Variants in PLA2R1 observed in about 807,000 individuals in gnomAD.
The protein encoded by PLA2R1 is phospholipase A2 receptor 1, also known as secretory phospholipase A2 receptor.
PLA2R1 carries 158 observed loss-of-function variants against 195.9 expected under a neutral mutation model. The observed-to-expected ratio is 0.81, with a 90% confidence interval of 0.71 to 0.92. The LOEUF is 0.92. Ranked by LOEUF, PLA2R1 falls within the 40% of genes least tolerant of loss-of-function variation. The pLI, the probability that PLA2R1 is intolerant of heterozygous loss-of-function variation, is 0.00. For missense variants in PLA2R1, 1,626 were observed against 1,764.6 expected (o/e 0.92, Z 1.41); for synonymous variants, 586 against 598.2 (o/e 0.98, Z 0.30).
At chr2:160,027,476 A>G (rs2105500977) in intron 6 of PLA2R1, among the ~76,000 whole-genome samples, 1 of 152,362 alleles carries the variant, frequency 6.6e-6, no homozygotes, top group East Asian at 1.9e-4. Context: ...CCCATATTCT[A>G]CAAAACTTCT....
At chr2:160,058,259 C>T (rs796913367) in intron 1 of PLA2R1, among the ~76,000 whole-genome samples, 31 of 152,238 alleles carry the variant, frequency 2.0e-4, no homozygotes, top group African/African-American at 6.3e-4. Flanking sequence ...TTTCCGTCGG[C>T]GCAGCATGTC....
rs576992015 is a variant in PLA2R1 at position 159,937,755 on chromosome 2, T to C, written c.*4023A>G. 6.6e-6 allele frequency: 1 copy of C among 152,368 alleles called. No homozygotes were observed. The highest frequency in any genetic ancestry group is 1.5e-5 in the Non-Finnish European group (1 of 68,018). The allele number at this position is 152,368 out of a possible 1,614,324, so 9.4% of individuals were successfully genotyped here. On this transcript the variant is annotated 3_prime_UTR_variant, in exon 30 of 30. Transcript: ENST00000283243. ...CTGTATAATACATATTAATTCAGAATATGAACATGGGGCAAAATAACTCAT... is the reference window on the plus strand; with the variant it reads ...CTGTATAATACATATTAATTCAGAACATGAACATGGGGCAAAATAACTCAT...
At chr2:160,009,032 C>T (rs1386027713) in intron 10 of PLA2R1, among the ~76,000 whole-genome samples, 4 of 152,140 alleles carry the variant, frequency 2.6e-5, no homozygotes, top group African/African-American at 9.7e-5. Flanking sequence ...TGGCTATTAT[C>T]AAAACAAAAC....
chr2:159,949,111 T>C (rs1475200339), intron 25 of PLA2R1, among the ~76,000 whole-genome samples: 3 of 152,194 alleles, frequency 2.0e-5, no homozygotes, highest in African/African-American at 7.2e-5. Context: ...AATCTTTTAT[T>C]TAAACATGAA....
chr2:159,939,751 T>A lies in PLA2R1; in HGVS notation c.*2027A>T, dbSNP rs1687008001. On this transcript the variant is annotated 3_prime_UTR_variant, in exon 30 of 30. Coordinates refer to ENST00000283243, the MANE Select transcript of PLA2R1 (RefSeq NM_007366.5). ...GTGTATTTTGTCAAATTATTATGTGTGACTATATACCTTGACTGGAAGGCT... is the reference window on the plus strand; with the variant it reads ...GTGTATTTTGTCAAATTATTATGTGAGACTATATACCTTGACTGGAAGGCT... 6.6e-6 allele frequency: 1 copy of A among 152,172 alleles called. No individual in the cohort carries two copies. Among genetic ancestry groups the A allele is most frequent in the African/African-American group, 2.4e-5 (1 of 41,442 alleles). 9.4% of individuals were successfully genotyped at this position (152,172 alleles called of 1,614,324 possible).
At chr2:160,055,994 C>T (rs1182351272) in intron 1 of PLA2R1, among the ~76,000 whole-genome samples, 1 of 152,100 alleles carries the variant, frequency 6.6e-6, no homozygotes, top group Non-Finnish European at 1.5e-5. Context: ...GCCCTCTGCC[C>T]TGAACCATTC....
At chr2:160,037,094 A>C (rs866479712) in intron 3 of PLA2R1, among the ~76,000 whole-genome samples, 66 of 152,206 alleles carry the variant, frequency 4.3e-4, no homozygotes, top group African/African-American at 1.5e-3. Context: ...TCTTCAATAA[A>C]TCCACATTTT....
intron 1 of PLA2R1, among the ~76,000 whole-genome samples, chr2:160,058,926 T>C (rs892605698): frequency 2.0e-5 from 3 of 152,304 alleles, no homozygotes; most frequent in South Asian, 2.1e-4. Flanking sequence ...CATTGTAATA[T>C]ATAATGAAGT....
intron 7 of PLA2R1, among the ~76,000 whole-genome samples, chr2:160,020,724 C>T (rs1455825332): frequency 6.6e-6 from 1 of 152,188 alleles, no homozygotes; most frequent in Non-Finnish European, 1.5e-5. Flanking sequence ...AGGAGATCCT[C>T]TCCAGATGTG....
At chr2:159,977,442 C>G (rs541663746) in intron 14 of PLA2R1, 26 bp from the exon 15 acceptor site, 2 of 1,605,232 alleles carry the variant, frequency 1.2e-6, no homozygotes, top group African/African-American at 2.7e-5. Context: ...TTCATTATTC[C>G]TTAATGATGA....
intron 11 of PLA2R1, among the ~76,000 whole-genome samples, chr2:160,004,913 G>T (rs1307360596): frequency 1.3e-5 from 2 of 152,150 alleles, no homozygotes; most frequent in African/African-American, 2.4e-5. Flanking sequence ...CCTGGCTAAG[G>T]TACCCCAGGC....
intron 11 of PLA2R1, among the ~76,000 whole-genome samples, chr2:160,005,192 T>C (rs540425238): frequency 6.6e-6 from 1 of 152,208 alleles, no homozygotes; most frequent in Admixed American, 6.5e-5. Context: ...ATTTGGCTCA[T>C]GTCTATAATC....
At chr2:159,964,959 A>G (rs1056936376) in intron 20 of PLA2R1, among the ~76,000 whole-genome samples, 5 of 152,014 alleles carry the variant, frequency 3.3e-5, no homozygotes, top group Non-Finnish European at 7.4e-5. Flanking sequence ...CCTGGGAGAT[A>G]AAGGTTGCAG....
intron 11 of PLA2R1, 94 bp downstream of exon 11, chr2:160,005,558 A>G: frequency 9.9e-7 from 1 of 1,006,862 alleles, no homozygotes; most frequent in Non-Finnish European, 1.5e-6. Context: ...TTAAGAAAAC[A>G]TTAAGAAAGA....
In PLA2R1 at chr2:159,964,035, C is replaced by T. The variant is rs139640513; in HGVS notation, c.2904+3504G>A. 5.7e-3 allele frequency among the ~76,000 whole-genome samples: 864 copies of T among 152,236 alleles called. 10 individuals carry two copies. The highest frequency in any genetic ancestry group is 0.02 in the African/African-American group (826 of 41,550). ...TATGCAATATTCACACACACACACA[C>T]GCCCGTGCCACACAGGAATATTATT... is the stretch of plus-strand genomic sequence containing the variant. On this transcript the variant is annotated intron_variant, in intron 20 of 29. Transcript: ENST00000283243.
intron 6 of PLA2R1, among the ~76,000 whole-genome samples, chr2:160,027,137 A>G (rs1197987883): frequency 6.6e-6 from 1 of 152,238 alleles, no homozygotes; most frequent in Non-Finnish European, 1.5e-5. Context: ...ATCAATCCAC[A>G]GAAGAATGTG....
At chr2:159,955,879 G>T in intron 21 of PLA2R1, 51 bp from the exon 22 acceptor site, 1 of 1,119,288 alleles carries the variant, frequency 8.9e-7, no homozygotes, top group Non-Finnish European at 1.3e-6. Flanking sequence ...AAGCATTTGG[G>T]TAATCACTGC....
At chr2:160,056,271 T>C (rs1182342111) in intron 1 of PLA2R1, among the ~76,000 whole-genome samples, 1 of 152,260 alleles carries the variant, frequency 6.6e-6, no homozygotes, top group African/African-American at 2.4e-5. Context: ...GTTTCAGTTA[T>C]ACATATGTAG....
intron 28 of PLA2R1, among the ~76,000 whole-genome samples, chr2:159,943,803 CTTT>C (rs757413252): frequency 1.4e-5 from 2 of 140,090 alleles, no homozygotes; most frequent in Admixed American, 7.1e-5. Flanking sequence ...CCATGTTTTT[CTTT>C]TTTTTTTTTT....
Sources: gnomAD v4.1 joint callset for allele counts (sites outside exome capture counted in the v4.1 genomes callset) on GRCh38, gnomAD v4.1.1 for gene constraint, MANE v1.5 for transcripts, NCBI Gene and HGNC (gene_info 2026-07-23, HGNC 2026-07-21) for gene names.